The following ERC1 variants were observed in gnomAD, a reference collection of about 807,000 sequenced individuals.
ERC1 encodes the protein ELKS/RAB6-interacting/CAST family member 1.
Under a neutral mutation model 132.0 loss-of-function variants are expected in ERC1, and 56 were observed. That is an observed-to-expected ratio of 0.42 (90% CI 0.34 to 0.53). The LOEUF (loss-of-function observed/expected upper bound fraction) is 0.53. ERC1 is among the 20% of genes least tolerant of loss of function. The pLI is 0.03. For missense variants in ERC1, 1,202 were observed against 1,349.9 expected, an observed-to-expected ratio of 0.89 and a Z score of 1.72; for synonymous variants, 478 against 476.1, an observed-to-expected ratio of 1.00 and a Z score of -0.05.
chr12:1,424,850 A>ATAGCTAGCTAGC (rs1565411232), intron 17 of ERC1, among the ~76,000 whole-genome samples: 6 of 122,470 alleles, frequency 4.9e-5, no homozygotes, highest in African/African-American at 2.4e-4. Context: ...TAGATGATAG[A>ATAGCTAGCTAGC]TAGATAGATA....
chr12:1,186,280 G>A (rs1955085484), intron 11 of ERC1, among the ~76,000 whole-genome samples: 1 of 152,206 alleles, frequency 6.6e-6, no homozygotes, highest in Admixed American at 6.5e-5. Context: ...AATAGGTTAT[G>A]TGGTGAAAAT....
At chr12:1,332,748 T>G (rs2082962318) in intron 15 of ERC1, among the ~76,000 whole-genome samples, 1 of 152,190 alleles carries the variant, frequency 6.6e-6, no homozygotes, top group Admixed American at 6.5e-5. Flanking sequence ...GTTTATTTAG[T>G]ATCATAGAAA....
chr12:1,197,190 A>G (rs372024704), intron 12 of ERC1, among the ~76,000 whole-genome samples: 104 of 151,706 alleles, frequency 6.9e-4, no homozygotes, highest in African/African-American at 2.3e-3. Context: ...CATCTTAACC[A>G]GGATGGTCTC....
At chr12:1,084,948 C>T (rs189054333) in intron 3 of ERC1, among the ~76,000 whole-genome samples, 1 of 152,310 alleles carries the variant, frequency 6.6e-6, no homozygotes, top group Non-Finnish European at 1.5e-5. Context: ...GCAATCCTCC[C>T]TCCTTGGCTT....
intron 15 of ERC1, among the ~76,000 whole-genome samples, chr12:1,332,097 G>A (rs933104670): frequency 6.6e-6 from 1 of 151,750 alleles, no homozygotes; most frequent in Non-Finnish European, 1.5e-5. Context: ...CTAGTTGTTG[G>A]ATTTAGATTT....
rs191150454 is a variant in ERC1, at chr12:1,417,218, A to G, written c.3024+8971A>G. Among the ~76,000 whole-genome samples the G allele has an allele frequency of 1.8e-3, 280 of 152,252 alleles. 1 individual carries two copies. Among genetic ancestry groups the G allele is most frequent in the African/African-American group, 6.5e-3 (272 of 41,536 alleles). ...TCATTTCTGCTTTTCACTGTTTTCC[A>G]GAGGGTTCACTCCCTTTACACCTCA... On this transcript the variant is annotated intron_variant, in intron 17 of 18. Transcript: ENST00000360905.
intron 8 of ERC1, among the ~76,000 whole-genome samples, chr12:1,145,770 C>T (rs776051469): frequency 3.9e-5 from 6 of 152,058 alleles, no homozygotes; most frequent in African/African-American, 7.2e-5. Context: ...GATGAAGATC[C>T]GGTTTCATTT....
intron 2 of ERC1, among the ~76,000 whole-genome samples, chr12:1,078,257 T>A (rs1941649659): frequency 6.6e-6 from 1 of 152,186 alleles, no homozygotes; most frequent in African/African-American, 2.4e-5. Context: ...ATATATTCAC[T>A]CAGGAGTGTC....
intron 15 of ERC1, among the ~76,000 whole-genome samples, chr12:1,311,788 C>G (rs1421456750): frequency 6.6e-6 from 1 of 152,168 alleles, no homozygotes; most frequent in Non-Finnish European, 1.5e-5. Context: ...GGCTATTTCA[C>G]TTGAAGTAGC....
intron 17 of ERC1, among the ~76,000 whole-genome samples, chr12:1,423,364 T>C (rs897387738): frequency 3.3e-5 from 5 of 152,240 alleles, no homozygotes; most frequent in Admixed American, 2.6e-4. Flanking sequence ...TCTGCTCAAA[T>C]AAACTCTTTA....
rs34218918 is a variant in ERC1, at chr12:1,256,277, CTT to C, written c.2488-6745_2488-6744del. On this transcript the variant is annotated intron_variant, in intron 13 of 18. Coordinates refer to ENST00000360905, the MANE Select transcript of ERC1 (RefSeq NM_178040.4). ...ATTTAAAATTAGACTCTGTTTTTGC[CTT>C]TTTTTTTTTTTATAACTTTTTCCCT... 1.6e-3 allele frequency among the ~76,000 whole-genome samples: 226 copies of C among 143,138 alleles called. 2 individuals carry two copies. Among genetic ancestry groups the C allele is most frequent in the African/African-American group, 4.9e-3 (194 of 39,336 alleles). The allele number at this position is 143,138 out of a possible 152,430, so 93.9% of individuals were successfully genotyped here.
chr12:1,347,061 G>A (rs910223917), intron 15 of ERC1, among the ~76,000 whole-genome samples: 2 of 152,130 alleles, frequency 1.3e-5, no homozygotes, highest in African/African-American at 4.8e-5. Flanking sequence ...ATTGTGACAA[G>A]GTAATAAAAT....
At chr12:1,347,084 G>A (rs1227830356) in intron 15 of ERC1, among the ~76,000 whole-genome samples, 2 of 152,158 alleles carry the variant, frequency 1.3e-5, no homozygotes, top group African/African-American at 4.8e-5. Context: ...AGACAAACAC[G>A]ATTATTTATC....
intron 2 of ERC1, among the ~76,000 whole-genome samples, chr12:1,069,915 C>A (rs1297039839): frequency 3.3e-5 from 5 of 152,202 alleles, no homozygotes; most frequent in Non-Finnish European, 7.4e-5. Flanking sequence ...TTATAAAGTT[C>A]ATAAAATGAA....
intron 16 of ERC1, among the ~76,000 whole-genome samples, chr12:1,375,972 G>A (rs535081731): frequency 4.6e-5 from 7 of 152,052 alleles, no homozygotes; most frequent in Admixed American, 3.3e-4. Flanking sequence ...TCCAGACCTC[G>A]TGATCCACCT....
chr12:1,071,064 G>A (rs1262590284), intron 2 of ERC1, among the ~76,000 whole-genome samples: 1 of 152,186 alleles, frequency 6.6e-6, no homozygotes, highest in Non-Finnish European at 1.5e-5. Context: ...ACACTCCATT[G>A]TGTGAATGTG....
Position 1,371,939 on chromosome 12 carries a change from C to T in ERC1, c.2887C>T (p.Arg963Trp), listed in dbSNP as rs748440644. 2.9e-5 allele frequency: 47 copies of T among 1,613,912 alleles called. No individual in the cohort carries two copies. The highest frequency in any genetic ancestry group is 2.0e-4 in the South Asian group (18 of 91,078). ...KTQEEVAALK[R>W]EKDRLVQQLK... Reference sequence around the variant, plus strand: ...CCAAGAGGAAGTGGCTGCCCTGAAGCGGGAGAAGGATCGTCTGGTACAGCA... The same window carrying T: ...CCAAGAGGAAGTGGCTGCCCTGAAGTGGGAGAAGGATCGTCTGGTACAGCA... Residue 963 changes from arginine to tryptophan, a missense_variant, in exon 16 of 19, where the codon CGG (arginine) becomes TGG (tryptophan). Arg to Trp is a moderately radical substitution (Grantham distance 101, BLOSUM62 -3). Coordinates refer to ENST00000360905, the MANE Select transcript of ERC1 (RefSeq NM_178040.4).
At chr12:1,117,405 T>TA (rs1175489482) in intron 7 of ERC1, among the ~76,000 whole-genome samples, 1 of 152,224 alleles carries the variant, frequency 6.6e-6, no homozygotes, top group East Asian at 1.9e-4. Flanking sequence ...TCTTATAACT[T>TA]ACACTTTTTC....
intron 13 of ERC1, among the ~76,000 whole-genome samples, chr12:1,254,533 G>A (rs1166678190): frequency 6.6e-6 from 1 of 151,176 alleles, no homozygotes; most frequent in Non-Finnish European, 1.5e-5. Flanking sequence ...ATTTTTTTGA[G>A]CCAAAGTCTT....
Sources: allele counts gnomAD v4.1 joint callset (sites outside exome capture counted in the v4.1 genomes callset), GRCh38; gene constraint gnomAD v4.1.1; transcripts MANE v1.5; gene names NCBI Gene and HGNC (gene_info 2026-07-23, HGNC 2026-07-21).